The following IL13RA1 variants were observed in gnomAD, a reference collection of about 807,000 sequenced individuals.
IL13RA1 encodes interleukin-13 receptor subunit alpha-1.
A neutral mutation model predicts 33.8 loss-of-function variants in IL13RA1; 14 were observed. The ratio of observed to expected loss-of-function variants is 0.41; its 90% confidence interval spans 0.27 to 0.65. The LOEUF (loss-of-function observed/expected upper bound fraction) is 0.65, where lower values mean the gene tolerates loss of function less well. Ranked by LOEUF, IL13RA1 falls within the 30% of genes least tolerant of loss-of-function variation. The pLI, the probability that IL13RA1 is intolerant of heterozygous loss-of-function variation, is 0.28. For synonymous variants in IL13RA1, 116 were observed against 115.7 expected, an observed-to-expected ratio of 1.00 and a Z score of -0.02; for missense variants, 313 against 327.0, an observed-to-expected ratio of 0.96 and a Z score of 0.33.
intron 8 of IL13RA1, chrX:118,770,670 G>A (rs759016373): frequency 1.8e-5 from 7 of 388,603 alleles, no homozygotes; most frequent in Non-Finnish European, 3.4e-5. Flanking sequence ...ACAACTACCT[G>A]GTGCGTGCAT....
rs1329930207 is a variant in IL13RA1, at chrX:118,766,935, A to G, written c.968A>G (p.Asp323Gly). 6 of 1,137,709 alleles carry G rather than the reference A, an allele frequency of 5.3e-6. No individual in the cohort carries two copies. Among genetic ancestry groups the G allele is most frequent in the Non-Finnish European group, 7.2e-6 (6 of 832,879 alleles). 93.8% of individuals were successfully genotyped at this position (1,137,709 alleles called of 1,213,427 possible). The change falls in exon 8 of 11, where the codon GAT becomes GGT. Residue 323 changes from aspartate (D) to glycine (G), a missense_variant. Physicochemically the swap from Asp to Gly is moderately conservative, Grantham distance 94 (BLOSUM62 -1). Coordinates refer to ENST00000371666, the MANE Select transcript of IL13RA1 (RefSeq NM_001560.3). ...RVKTNKLCYEDDKLWSNWSQE... is the reference protein window; with the variant it reads ...RVKTNKLCYEGDKLWSNWSQE... ...AAAACAAATAAGTTATGCTATGAGG[A>G]TGACAAACTCTGGAGTAATTGGAGC...
At chrX:118,752,986 A>G (rs2017487022) in intron 4 of IL13RA1, among the ~76,000 whole-genome samples, 1 of 112,110 alleles carries the variant, frequency 8.9e-6, no homozygotes, top group Non-Finnish European at 1.9e-5. Flanking sequence ...GGCAGCATCC[A>G]TGTGTTTATT....
the IL13RA1 span, among the ~76,000 whole-genome samples, chrX:118,800,137 A>G: frequency 1.8e-5 from 2 of 111,250 alleles, no homozygotes; most frequent in Admixed American, 1.9e-4. Flanking sequence ...GAACCTTTGT[A>G]TCTAGCTCAG....
downstream of IL13RA1, among the ~76,000 whole-genome samples, chrX:118,795,227 A>AAAAAAAAAAG (rs200347606): frequency 7.6e-4 from 72 of 94,893 alleles, 2 homozygotes; most frequent in African/African-American, 1.6e-3. Context: ...AAAAAAAAAA[A>AAAAAAAAAAG]AAAGAAAAAG....
chrX:118,731,084 G>A (rs1458477369), intron 1 of IL13RA1, among the ~76,000 whole-genome samples: 1 of 112,232 alleles, frequency 8.9e-6, no homozygotes, highest in Non-Finnish European at 1.9e-5. Context: ...ATAGGATGTT[G>A]TGCTAGATGA....
At chrX:118,734,860 G>A (rs1204103523) in intron 1 of IL13RA1, among the ~76,000 whole-genome samples, 2 of 111,713 alleles carry the variant, frequency 1.8e-5, no homozygotes, top group African/African-American at 6.5e-5. Flanking sequence ...AGAAGGTTTG[G>A]TACTAGTTCT....
chrX:118,772,377 CAT>C (rs2017732716), intron 8 of IL13RA1, among the ~76,000 whole-genome samples: 1 of 112,350 alleles, frequency 8.9e-6, no homozygotes, highest in Non-Finnish European at 1.9e-5. Context: ...TTGTAGTAAT[CAT>C]ATTTGAAACA....
downstream of IL13RA1, among the ~76,000 whole-genome samples, chrX:118,797,240 A>G (rs375041036): frequency 7.6e-4 from 86 of 112,460 alleles, no homozygotes; most frequent in African/African-American, 2.7e-3. Flanking sequence ...TTGACATCCA[A>G]TAAAGGTTAA....
chrX:118,746,854 C>G, intron 2 of IL13RA1, 100 bp from the exon 3 acceptor site: 1 of 609,945 alleles, frequency 1.6e-6, no homozygotes, highest in Non-Finnish European at 2.6e-6. Context: ...CATTTGATAA[C>G]TTTTTTGATA....
intron 4 of IL13RA1, among the ~76,000 whole-genome samples, chrX:118,754,408 C>A (rs903073120): frequency 9.1e-6 from 1 of 110,457 alleles, no homozygotes; most frequent in African/African-American, 3.3e-5. Context: ...GAGGCTGAGG[C>A]AGGTGGATCA....
intron 4 of IL13RA1, among the ~76,000 whole-genome samples, chrX:118,756,589 G>A (rs1475388775): frequency 9.0e-6 from 1 of 111,459 alleles, no homozygotes; most frequent in East Asian, 2.8e-4. Flanking sequence ...TAGTCATTAG[G>A]GTATGAATCT....
downstream of IL13RA1, among the ~76,000 whole-genome samples, chrX:118,796,690 C>G (rs779774282): frequency 1.3e-4 from 14 of 111,455 alleles, no homozygotes; most frequent in East Asian, 3.7e-3. Context: ...TGACCGCCAC[C>G]ACGCCCGGCT....
chrX:118,782,075 CT>C (rs968323046), intron 10 of IL13RA1, among the ~76,000 whole-genome samples: 2 of 108,003 alleles, frequency 1.9e-5, no homozygotes, highest in African/African-American at 3.4e-5. Context: ...ATTTACTTTT[CT>C]TTTTTTTTTC....
At chrX:118,753,479 A>G (rs891823818) in intron 4 of IL13RA1, among the ~76,000 whole-genome samples, 4 of 112,324 alleles carry the variant, frequency 3.6e-5, no homozygotes, top group Admixed American at 2.8e-4. Context: ...TCAAGATGCA[A>G]TTCCAAGATA....
chrX:118,786,494 C>T (rs200660595), intron 10 of IL13RA1, among the ~76,000 whole-genome samples: 2 of 112,145 alleles, frequency 1.8e-5, no homozygotes, highest in East Asian at 2.8e-4. Context: ...CTTGGCCTCC[C>T]AAAGTGCTGG....
chrX:118,802,907 A>G, the IL13RA1 span, among the ~76,000 whole-genome samples: 2 of 111,616 alleles, frequency 1.8e-5, no homozygotes, highest in African/African-American at 6.5e-5. Flanking sequence ...ACTATCCCCC[A>G]CCAACATGCA....
At chrX:118,740,777 T>C (rs910008466) in intron 1 of IL13RA1, among the ~76,000 whole-genome samples, 1 of 112,136 alleles carries the variant, frequency 8.9e-6, no homozygotes, top group African/African-American at 3.2e-5. Context: ...AGTGAGATTC[T>C]ATCTCAAAAA....
chrX:118,749,738 A>G lies in IL13RA1; in HGVS notation c.448A>G (p.Arg150Gly). 8.6e-7 allele frequency: 1 copy of G among 1,166,729 alleles called. No individual in the cohort carries two copies. Among genetic ancestry groups the G allele is most frequent in the South Asian group, 1.8e-5 (1 of 55,939 alleles). The change falls in exon 4 of 11, where the codon AGG (arginine) becomes GGG (glycine). Residue 150 changes from arginine to glycine, a missense_variant. Arg to Gly is a moderately radical substitution (Grantham distance 125). Coordinates refer to ENST00000371666, the MANE Select transcript of IL13RA1 (RefSeq NM_001560.3). The part of the protein sequence containing the change: ...SYMKCSWLPG[R>G]NTSPDTNYTL... The stretch of plus-strand genomic sequence containing the variant: ...CATGAAGTGTTCTTGGCTCCCTGGA[A>G]GGAATACCAGTCCCGACACTAACTA...
intron 1 of IL13RA1, among the ~76,000 whole-genome samples, chrX:118,734,414 A>G (rs1441807604): frequency 8.9e-6 from 1 of 112,099 alleles, no homozygotes; most frequent in East Asian, 2.8e-4. Context: ...CTGACCCTAA[A>G]GGAAAAGCTT....
Sources: gnomAD v4.1 joint callset for allele counts (sites outside exome capture counted in the v4.1 genomes callset) on GRCh38, gnomAD v4.1.1 for gene constraint, MANE v1.5 for transcripts, NCBI Gene and HGNC (gene_info 2026-07-23, HGNC 2026-07-21) for gene names.